The following STAU1 variants were observed in gnomAD, a reference collection of about 807,000 sequenced individuals.
STAU1 encodes double-stranded RNA-binding protein Staufen homolog 1.
A neutral mutation model predicts 62.9 loss-of-function variants in STAU1; 13 were observed. The ratio of observed to expected loss-of-function variants is 0.21; its 90% confidence interval spans 0.13 to 0.33. STAU1 has a LOEUF of 0.33. Among genes scored for constraint, STAU1 ranks in the 10% least tolerant of loss-of-function variants. The pLI, the probability that STAU1 is intolerant of heterozygous loss-of-function variation, is 1.00. For synonymous variants in STAU1, 269 were observed against 265.1 expected (o/e 1.01, Z -0.14); for missense variants, 571 against 712.1 (o/e 0.80, Z 2.25).
At chr20:49,138,065 G>A (rs572045679) in intron 5 of STAU1, among the ~76,000 whole-genome samples, 44 of 152,192 alleles carry the variant, frequency 2.9e-4, no homozygotes, top group South Asian at 1.2e-3. Context: ...TGGGTGGATT[G>A]CTTATGCCCA....
chr20:49,116,562 C>A (rs1306379581), intron 12 of STAU1, among the ~76,000 whole-genome samples: 1 of 152,092 alleles, frequency 6.6e-6, no homozygotes, highest in Non-Finnish European at 1.5e-5. Flanking sequence ...TGGTCTTGAA[C>A]TCCTGAGCTC....
Position 49,174,196 on chromosome 20 carries a change from T to C in STAU1, c.-86A>G, listed in dbSNP as rs1018200411. On this transcript the variant is annotated splice_region_variant and 5_prime_UTR_variant, in exon 2 of 14. Transcript: ENST00000371856. ...ATTATAAAGCCAAATTATATGTACC[T>C]TTTTTAAAAAGAGGGCGTTCCAGGA... 2.6e-5 allele frequency: 4 copies of C among 152,214 alleles called. No individual in the cohort carries two copies. The highest frequency in any genetic ancestry group is 5.9e-5 in the Non-Finnish European group (4 of 68,032). 9.4% of individuals were successfully genotyped at this position (152,214 alleles called of 1,614,324 possible). A position where few individuals can be genotyped will look rare whatever the true frequency, so the allele number is the denominator to read the frequency against.
chr20:49,176,038 C>A (rs1291798942), intron 1 of STAU1, among the ~76,000 whole-genome samples: 10 of 152,200 alleles, frequency 6.6e-5, no homozygotes, highest in African/African-American at 2.4e-4. Flanking sequence ...TCGTGATCCG[C>A]CCGCCTCGGC....
chr20:49,124,094 TG>T (rs773488000), intron 7 of STAU1, among the ~76,000 whole-genome samples: 2 of 152,222 alleles, frequency 1.3e-5, no homozygotes, highest in Non-Finnish European at 2.9e-5. Flanking sequence ...CAGACCGGCA[TG>T]GCGTTCCTGC....
intron 3 of STAU1, 93 bp downstream of exon 3, chr20:49,165,904 A>G: frequency 7.7e-7 from 1 of 1,298,552 alleles, no homozygotes; most frequent in Non-Finnish European, 1.1e-6. Flanking sequence ...TTTGAAGGTA[A>G]ATGTGAGAGC....
chr20:49,131,402 TAATA>T, intron 6 of STAU1, among the ~76,000 whole-genome samples: 1 of 152,176 alleles, frequency 6.6e-6, no homozygotes, highest in Non-Finnish European at 1.5e-5. Flanking sequence ...TTCCTCTACT[TAATA>T]GATTGTGGTT....
intron 1 of STAU1, among the ~76,000 whole-genome samples, chr20:49,187,277 G>C (rs2146649086): frequency 1.3e-5 from 2 of 152,288 alleles, no homozygotes; most frequent in South Asian, 4.2e-4. Context: ...TCCTGCAGTT[G>C]CCTAAGCGGA....
chr20:49,158,216 C>T (rs529142208), intron 3 of STAU1, among the ~76,000 whole-genome samples: 6 of 151,766 alleles, frequency 4.0e-5, no homozygotes, highest in Admixed American at 6.6e-5. Context: ...CGGGAGGTTG[C>T]GGTTGCAGTG....
At chr20:49,190,311 G>GTC (rs1471692684), upstream of STAU1, among the ~76,000 whole-genome samples, 1 of 151,938 alleles carries the variant, frequency 6.6e-6, no homozygotes, top group Non-Finnish European at 1.5e-5. Flanking sequence ...TTGAGACAGG[G>GTC]TCTCGCTCTG....
intron 3 of STAU1, among the ~76,000 whole-genome samples, chr20:49,165,728 C>T (rs754841569): frequency 2.0e-5 from 3 of 152,202 alleles, no homozygotes; most frequent in Non-Finnish European, 2.9e-5. Context: ...TGCCAGCCAC[C>T]GCTCTTTAAC....
intron 5 of STAU1, among the ~76,000 whole-genome samples, chr20:49,148,658 T>G (rs2093177673): frequency 6.6e-6 from 1 of 152,204 alleles, no homozygotes; most frequent in Admixed American, 6.5e-5. Flanking sequence ...AGGGCACAAG[T>G]AGATTTAAAC....
chr20:49,124,740 T>C (rs1421141377), intron 6 of STAU1, 153 bp from the exon 7 acceptor site: 2 of 742,128 alleles, frequency 2.7e-6, no homozygotes, highest in African/African-American at 3.5e-5. Context: ...TCAAATGCTT[T>C]CTCGCCTTTC....
intron 3 of STAU1, among the ~76,000 whole-genome samples, chr20:49,164,508 C>T (rs911860521): frequency 6.6e-6 from 1 of 150,998 alleles, no homozygotes; most frequent in Non-Finnish European, 1.5e-5. Context: ...CCAGGCTGGT[C>T]TCCAACTCCT....
chr20:49,206,719 TTATATATA>T, the STAU1 span, among the ~76,000 whole-genome samples: 12,128 of 105,924 alleles, frequency 0.11, 774 homozygotes, highest in African/African-American at 0.17. Flanking sequence ...AAATGAAATT[TTATATATA>T]TATATATATA....
At chr20:49,146,740 C>T (rs1295171060) in intron 5 of STAU1, among the ~76,000 whole-genome samples, 1 of 151,514 alleles carries the variant, frequency 6.6e-6, no homozygotes, top group East Asian at 1.9e-4. Flanking sequence ...AACAAAAATA[C>T]ATACACACTG....
the STAU1 span, among the ~76,000 whole-genome samples, chr20:49,217,968 G>A: frequency 1.3e-5 from 2 of 151,532 alleles, no homozygotes; most frequent in Non-Finnish European, 2.9e-5. Flanking sequence ...CCGCCTCCTG[G>A]GTTCAAGCGA....
intron 9 of STAU1, among the ~76,000 whole-genome samples, chr20:49,118,615 C>A (rs912561341): frequency 6.6e-6 from 1 of 152,136 alleles, no homozygotes; most frequent in Non-Finnish European, 1.5e-5. Context: ...CCTGCCCACA[C>A]CCCTGCCCAC....
rs2093814723 is a variant in STAU1 at position 49,188,109 on chromosome 20, G to C, written c.-160+7C>G. 1 of 148,564 alleles carries C rather than the reference G, an allele frequency of 6.7e-6. No homozygotes were observed. The highest frequency in any genetic ancestry group is 6.7e-5 in the Admixed American group (1 of 14,998). 9.2% of individuals were successfully genotyped at this position (148,564 alleles called of 1,614,324 possible). On this transcript the variant is annotated splice_region_variant and intron_variant, in intron 1 of 13. Coordinates refer to ENST00000371856, the MANE Select transcript of STAU1 (RefSeq NM_017453.4). ...CCACCAGGCCCGGCCCGGCCCGGCC[G>C]CCTCACCTGGCTGCTGCTCCGAGCT... is the stretch of plus-strand genomic sequence containing the variant.
intron 1 of STAU1, among the ~76,000 whole-genome samples, chr20:49,175,200 G>A (rs771374664): frequency 2.0e-5 from 3 of 151,758 alleles, no homozygotes; most frequent in Non-Finnish European, 2.9e-5. Context: ...GCATGGTGGC[G>A]CAGGCCTGTA....
Sources: gnomAD v4.1 joint callset for allele counts (sites outside exome capture counted in the v4.1 genomes callset) on GRCh38, gnomAD v4.1.1 for gene constraint, MANE v1.5 for transcripts, NCBI Gene and HGNC (gene_info 2026-07-23, HGNC 2026-07-21) for gene names.